THOC7: variants seen among roughly 807,000 people sequenced by gnomAD.
The protein encoded by THOC7 is THO complex subunit 7.
THOC7 carries 22 observed loss-of-function variants against 33.1 expected under a neutral mutation model. The observed-to-expected ratio is 0.66, with a 90% CI of 0.47 to 0.95. THOC7 has a LOEUF of 0.95. THOC7 is among the 40% of genes least tolerant of loss of function. THOC7 has a pLI of 0.00. For synonymous variants in THOC7, 77 were observed against 76.8 expected, an observed-to-expected ratio of 1.00 and a Z score of -0.01; for missense variants, 184 against 245.3, an observed-to-expected ratio of 0.75 and a Z score of 1.67.
chr3:63,858,658 T>A (rs1208222317), intron 1 of THOC7, among the ~76,000 whole-genome samples: 1 of 152,172 alleles, frequency 6.6e-6, no homozygotes, highest in African/African-American at 2.4e-5. Flanking sequence ...TCCTTTAAAT[T>A]AACACATACA....
chr3:63,861,824 A>C, intron 1 of THOC7: 1 of 149,274 alleles, frequency 6.7e-6, no homozygotes. Context: ...ACACGGTCTC[A>C]CTCTGTCACC....
intron 1 of THOC7, chr3:63,863,499 C>A: frequency 2.5e-6 from 3 of 1,181,888 alleles, no homozygotes; most frequent in Admixed American, 9.1e-5. Context: ...ACGCTCCCGG[C>A]ACACCCTATA....
chr3:63,835,473 T>C (rs1261363034), intron 5 of THOC7, 83 bp from the exon 6 acceptor site: 22 of 1,253,158 alleles, frequency 1.8e-5, no homozygotes, highest in Non-Finnish European at 2.3e-5. Context: ...AGTTACTAGA[T>C]AGGATTTTTA....
At chr3:63,844,009 A>G (rs1182157788) in intron 1 of THOC7, among the ~76,000 whole-genome samples, 1 of 152,230 alleles carries the variant, frequency 6.6e-6, no homozygotes, top group Non-Finnish European at 1.5e-5. Flanking sequence ...ACAATGAAAT[A>G]CTATTCAACC....
Position 63,835,191 on chromosome 3 carries a change from A to G in THOC7, c.510T>C (p.Leu170=). Residue 170 remains leucine, a synonymous_variant, in exon 7 of 8, where the codon CTT becomes CTC. Transcript: ENST00000295899. ...GCTGAAGTTCATGGATGGTACTAAG[A>G]AGAACATGAAACTGTTTCCGTCTCA... ...LELRRKQFHV[L]LSTIHELQQT... 1 of 1,613,718 alleles carries G rather than the reference A, an allele frequency of 6.2e-7. No individual in the cohort carries two copies. The highest frequency in any genetic ancestry group is 8.5e-7 in the Non-Finnish European group (1 of 1,179,810).
rs1701669102 is a variant in THOC7, at chr3:63,837,960, C to T, written c.352+16G>A. 6.3e-7 allele frequency: 1 copy of T among 1,599,314 alleles called. No individual in the cohort carries two copies. The highest frequency in any genetic ancestry group is 8.5e-7 in the Non-Finnish European group (1 of 1,174,662). On this transcript the variant is annotated intron_variant, in intron 4 of 7. Coordinates refer to ENST00000295899, the MANE Select transcript of THOC7 (RefSeq NM_025075.4). ...GTAATAATGTATTTGCACATTAAAT[C>T]CCTCAAAACCCTTACCTTGGCGATT...
In THOC7 at chr3:63,838,373, T is replaced by A; in HGVS notation, c.264A>T (p.Ile88=). 6.7e-7 allele frequency: 1 copy of A among 1,490,768 alleles called. No individual in the cohort carries two copies. The highest frequency in any genetic ancestry group is 9.3e-7 in the Non-Finnish European group (1 of 1,078,306). 92.3% of individuals were successfully genotyped at this position (1,490,768 alleles called of 1,614,324 possible). A position where few individuals can be genotyped will look rare whatever the true frequency, so the allele number is the denominator to read the frequency against. The part of the protein sequence containing the change: ...MENYEKIYKE[I]ECSIAGAHEK... The stretch of plus-strand genomic sequence containing the variant: ...GATAGAAACATTAAGATTCTTTACC[T>A]ATTTCCTTGTAAATTTTTTCATAAT... Residue 88 remains isoleucine, a splice_region_variant and synonymous_variant, in exon 3 of 8, where the codon ATA becomes ATT. Transcript: ENST00000295899.
chr3:63,852,257 G>A (rs1046192667), intron 1 of THOC7, among the ~76,000 whole-genome samples: 10 of 152,160 alleles, frequency 6.6e-5, no homozygotes, highest in Non-Finnish European at 8.8e-5. Flanking sequence ...ACCCGTCAAA[G>A]GGGCACAAGG....
rs560225863 is a variant in THOC7, at chr3:63,836,215, T to C, written c.410+86A>G. 4 of 1,285,822 alleles carry C rather than the reference T, an allele frequency of 3.1e-6. No homozygotes were observed. The South Asian group carries it at 5.5e-5, about 18-fold the overall frequency. 79.7% of individuals were successfully genotyped at this position (1,285,822 alleles called of 1,614,324 possible). A position where few individuals can be genotyped will look rare whatever the true frequency, so the allele number is the denominator to read the frequency against. ...GACCCCTCCTTTTGAAACATATTTATTTCTGCAAAAATGAAATGCCTACGG... is the reference window on the plus strand; with the variant it reads ...GACCCCTCCTTTTGAAACATATTTACTTCTGCAAAAATGAAATGCCTACGG... On this transcript the variant is annotated intron_variant, in intron 5 of 7. Transcript: ENST00000295899.
chr3:63,845,612 T>A (rs1205211705), intron 1 of THOC7, among the ~76,000 whole-genome samples: 1 of 152,142 alleles, frequency 6.6e-6, no homozygotes, highest in Non-Finnish European at 1.5e-5. Flanking sequence ...ATGTGTGTTC[T>A]TTTTTTCTTA....
intron 1 of THOC7, among the ~76,000 whole-genome samples, chr3:63,856,752 ACT>A (rs1272586697): frequency 6.6e-6 from 1 of 151,366 alleles, no homozygotes; most frequent in Non-Finnish European, 1.5e-5. Flanking sequence ...AGAGTCTTGC[ACT>A]GTTGCCCAGG....
At chr3:63,860,205 G>A (rs971385765) in intron 1 of THOC7, among the ~76,000 whole-genome samples, 8 of 151,990 alleles carry the variant, frequency 5.3e-5, no homozygotes, top group African/African-American at 1.9e-4. Context: ...CACACGCCTG[G>A]CTAATTTGAA....
At chr3:63,848,161 CA>C (rs1333604758) in intron 1 of THOC7, among the ~76,000 whole-genome samples, 1 of 152,196 alleles carries the variant, frequency 6.6e-6, no homozygotes, top group Non-Finnish European at 1.5e-5. Context: ...CATAAATCTA[CA>C]TTCTGTGGAG....
At chr3:63,852,590 G>T (rs191511040) in intron 1 of THOC7, among the ~76,000 whole-genome samples, 2 of 152,296 alleles carry the variant, frequency 1.3e-5, no homozygotes, top group East Asian at 3.9e-4. Context: ...AGGGAGGCTG[G>T]ATGAGTGAAG....
intron 1 of THOC7, among the ~76,000 whole-genome samples, chr3:63,843,377 C>T (rs1343204617): frequency 6.6e-6 from 1 of 152,032 alleles, no homozygotes; most frequent in African/African-American, 2.4e-5. Flanking sequence ...CTCGGCCTCT[C>T]AAAGTGCTGG....
chr3:63,856,550 A>G (rs1702119483), intron 1 of THOC7, among the ~76,000 whole-genome samples: 1 of 152,104 alleles, frequency 6.6e-6, no homozygotes, highest in African/African-American at 2.4e-5. Flanking sequence ...AAAAAATTTT[A>G]TGGGTACACA....
chr3:63,856,039 A>G (rs945434457), intron 1 of THOC7, among the ~76,000 whole-genome samples: 3 of 152,250 alleles, frequency 2.0e-5, no homozygotes, highest in Non-Finnish European at 4.4e-5. Flanking sequence ...CTATGCAAAT[A>G]TCTCCATTGT....
intron 1 of THOC7, among the ~76,000 whole-genome samples, chr3:63,842,731 A>T (rs752269215): frequency 6.6e-6 from 1 of 152,134 alleles, no homozygotes; most frequent in Non-Finnish European, 1.5e-5. Flanking sequence ...AGGGAAAAAA[A>T]AACTACATTG....
chr3:63,863,881 T>C, upstream of THOC7: 1 of 1,166,680 alleles, frequency 8.6e-7, no homozygotes, highest in Non-Finnish European at 1.0e-6. Flanking sequence ...TGCAGCCGGG[T>C]AAACAGCCAT....
Sources: gnomAD v4.1 joint callset for allele counts (sites outside exome capture counted in the v4.1 genomes callset) on GRCh38, gnomAD v4.1.1 for gene constraint, MANE v1.5 for transcripts, NCBI Gene and HGNC (gene_info 2026-07-23, HGNC 2026-07-21) for gene names.